STX3: variants seen among roughly 807,000 people sequenced by gnomAD.
STX3 encodes the protein syntaxin-3.
STX3 carries 19 observed loss-of-function variants against 40.2 expected under a neutral mutation model. The observed-to-expected ratio is 0.47, with a 90% CI of 0.33 to 0.69. The LOEUF is 0.69. Ranked by LOEUF, STX3 falls within the 30% of genes least tolerant of loss-of-function variation. STX3 has a pLI of 0.02. For missense variants in STX3, 364 were observed against 366.7 expected, an observed-to-expected ratio of 0.99 and a Z score of 0.06; for synonymous variants, 122 against 132.2, an observed-to-expected ratio of 0.92 and a Z score of 0.53.
chr11:59,786,897 C>A, intron 2 of STX3, 140 bp from the exon 3 acceptor site: 1 of 662,696 alleles, frequency 1.5e-6, no homozygotes, highest in Non-Finnish European at 2.7e-6. Flanking sequence ...CACTGGGCAG[C>A]TGAGGACTTT....
rs1375907739 is a variant in STX3 at position 59,804,095 on chromosome 11, A to G, written c.*3271A>G. The G allele has an allele frequency of 6.6e-6, 1 of 152,230 alleles. No homozygotes were observed. The highest frequency in any genetic ancestry group is 2.4e-5 in the African/African-American group (1 of 41,388). 9.4% of individuals were successfully genotyped at this position (152,230 alleles called of 1,614,324 possible). On this transcript the variant is annotated 3_prime_UTR_variant, in exon 11 of 11. Coordinates refer to ENST00000337979, the MANE Select transcript of STX3 (RefSeq NM_004177.5). ...TTAAAGGAGGACTGCAGGGTAGAGA[A>G]GCAAGCAGAGTGGGCGCCTCTTTAG... is the stretch of plus-strand genomic sequence containing the variant.
At chr11:59,795,670 A>T in intron 9 of STX3, 188 bp downstream of exon 9, 3 of 1,537,246 alleles carry the variant, frequency 2.0e-6, no homozygotes, top group Non-Finnish European at 2.6e-6. Context: ...GGGCCGTGGC[A>T]GATACCAAAA....
At chr11:59,771,786 A>C (rs374638170) in intron 1 of STX3, among the ~76,000 whole-genome samples, 81 of 152,230 alleles carry the variant, frequency 5.3e-4, no homozygotes, top group African/African-American at 1.9e-3. Flanking sequence ...TCTGTTAGGC[A>C]CTGGGCCTTT....
At chr11:59,768,353 A>ATTGAGC (rs1253044862) in intron 1 of STX3, among the ~76,000 whole-genome samples, 1 of 152,234 alleles carries the variant, frequency 6.6e-6, no homozygotes, top group East Asian at 1.9e-4. Flanking sequence ...GTTGGTTAAA[A>ATTGAGC]TTGAGCTTGA....
chr11:59,784,697 GA>G (rs1565180460), intron 2 of STX3, among the ~76,000 whole-genome samples: 5 of 152,170 alleles, frequency 3.3e-5, no homozygotes, highest in Non-Finnish European at 7.4e-5. Flanking sequence ...AAAACCATCA[GA>G]TCTTGTGAGA....
intron 10 of STX3, chr11:59,800,025 C>T (rs1488368046): frequency 1.0e-6 from 1 of 985,318 alleles, no homozygotes; most frequent in East Asian, 1.1e-4. Flanking sequence ...AATTCCAGGA[C>T]TTCAGAAGGT....
In STX3 at chr11:59,789,902, A is replaced by G. The variant is rs541175468; in HGVS notation, c.290-617A>G. Reference sequence around the variant, plus strand: ...TCAATGAAGCTACTGTCATAGATTCAGTTCTTCCAGAGCCTAGAAGGTTTA... The same window carrying G: ...TCAATGAAGCTACTGTCATAGATTCGGTTCTTCCAGAGCCTAGAAGGTTTA... On this transcript the variant is annotated intron_variant, in intron 4 of 10. Coordinates refer to ENST00000337979, the MANE Select transcript of STX3 (RefSeq NM_004177.5). 1.1e-4 allele frequency among the ~76,000 whole-genome samples: 16 copies of G among 152,352 alleles called. No individual in the cohort carries two copies. In the South Asian group the frequency reaches 3.3e-3, roughly 32 times the overall value.
intron 1 of STX3, among the ~76,000 whole-genome samples, chr11:59,766,638 G>T (rs1863298611): frequency 6.6e-6 from 1 of 152,180 alleles, no homozygotes; most frequent in African/African-American, 2.4e-5. Context: ...GGAAACAAAT[G>T]TTGTCCCCAA....
intron 3 of STX3, among the ~76,000 whole-genome samples, chr11:59,788,325 T>A (rs763788611): frequency 2.6e-5 from 4 of 152,234 alleles, no homozygotes; most frequent in Non-Finnish European, 4.4e-5. Flanking sequence ...AATCTAGATC[T>A]TCTTTCTGAT....
At chr11:59,761,160 C>T (rs1005875092) in intron 1 of STX3, among the ~76,000 whole-genome samples, 1 of 152,190 alleles carries the variant, frequency 6.6e-6, no homozygotes, top group Non-Finnish European at 1.5e-5. Context: ...CCTAACTACA[C>T]CTAAACACCT....
At chr11:59,798,987 T>G (rs1046824649) in intron 10 of STX3, among the ~76,000 whole-genome samples, 3 of 152,224 alleles carry the variant, frequency 2.0e-5, no homozygotes, top group Non-Finnish European at 4.4e-5. Context: ...CCTCCCAGGC[T>G]CAAGTGATCC....
intron 1 of STX3, among the ~76,000 whole-genome samples, chr11:59,766,666 T>C (rs565983): frequency 0.16 from 23,827 of 152,252 alleles, 3,454 homozygotes; most frequent in African/African-American, 0.38. Context: ...CAGCTCCACT[T>C]TCTCAGCCCA....
chr11:59,785,816 A>T (rs1402069245), intron 2 of STX3, among the ~76,000 whole-genome samples: 1 of 152,168 alleles, frequency 6.6e-6, no homozygotes, highest in East Asian at 1.9e-4. Flanking sequence ...TGCAATGTTG[A>T]TGTGCCCTTC....
rs1225990358 is a variant in STX3, at chr11:59,765,776, C to A, written c.31-7435C>A. Among the ~76,000 whole-genome samples the A allele has an allele frequency of 2.0e-5, 3 of 152,126 alleles. No homozygotes were observed. The East Asian group carries it at 5.8e-4, about 29-fold the overall frequency. On this transcript the variant is annotated intron_variant, in intron 1 of 10. Transcript: ENST00000337979. Reference sequence around the variant, plus strand: ...CCGAGATTGCACCACCGTACTCCAGCCTGGAAGATAGAGCAAGACTCTGTC... The same window carrying A: ...CCGAGATTGCACCACCGTACTCCAGACTGGAAGATAGAGCAAGACTCTGTC...
upstream of STX3, chr11:59,754,513 G>A (rs1862611627): frequency 6.5e-6 from 1 of 153,146 alleles, no homozygotes; most frequent in African/African-American, 2.4e-5. Context: ...AGAAGAGGGA[G>A]AGGCGGGGAG....
chr11:59,793,285 G>A, intron 7 of STX3, 95 bp from the exon 8 acceptor site: 1 of 1,606,986 alleles, frequency 6.2e-7, no homozygotes, highest in Non-Finnish European at 8.5e-7. Flanking sequence ...GGAGTTCAGG[G>A]AGGCAAGGAG....
intron 1 of STX3, among the ~76,000 whole-genome samples, chr11:59,763,829 C>T (rs1863155308): frequency 6.6e-6 from 1 of 152,142 alleles, no homozygotes; most frequent in East Asian, 1.9e-4. Context: ...ACCATCCTGG[C>T]CAACATGGCG....
intron 1 of STX3, among the ~76,000 whole-genome samples, chr11:59,766,585 C>T (rs1420929979): frequency 6.6e-6 from 1 of 152,154 alleles, no homozygotes; most frequent in Admixed American, 6.5e-5. Context: ...CAAATCTGCA[C>T]TGGAAAGCCA....
At chr11:59,778,221 T>G (rs1864106713) in intron 2 of STX3, among the ~76,000 whole-genome samples, 1 of 152,192 alleles carries the variant, frequency 6.6e-6, no homozygotes, top group African/African-American at 2.4e-5. Context: ...GCCTGTGTTT[T>G]GAAACCACCA....
Sources: gnomAD v4.1 joint callset for allele counts (sites outside exome capture counted in the v4.1 genomes callset) on GRCh38, gnomAD v4.1.1 for gene constraint, MANE v1.5 for transcripts, NCBI Gene and HGNC (gene_info 2026-07-23, HGNC 2026-07-21) for gene names.